Variants in ZSCAN25 observed in about 807,000 individuals in gnomAD.
The protein encoded by ZSCAN25 is zinc finger and SCAN domain-containing protein 25.
In ZSCAN25, 27 loss-of-function variants were observed where a neutral mutation model predicts 38.7. That is an observed-to-expected ratio of 0.70 (90% CI 0.51 to 0.96). The LOEUF (loss-of-function observed/expected upper bound fraction) is 0.96, where lower values mean the gene tolerates loss of function less well. ZSCAN25 is among the 40% of genes least tolerant of loss of function. The pLI, the probability that ZSCAN25 is intolerant of heterozygous loss-of-function variation, is 0.00. For missense variants in ZSCAN25, 637 were observed against 705.9 expected (o/e 0.90, Z 1.11); for synonymous variants, 273 against 277.7 (o/e 0.98, Z 0.17).
chr7:99,666,116 T>C, the ZSCAN25 span, among the ~76,000 whole-genome samples: 1,119 of 152,248 alleles, frequency 7.3e-3, 19 homozygotes, highest in African/African-American at 0.026. Flanking sequence ...TTTTTTGAGA[T>C]TGGAGGAAAA....
the ZSCAN25 span, among the ~76,000 whole-genome samples, chr7:99,657,395 G>T: frequency 5.9e-5 from 9 of 152,316 alleles, no homozygotes; most frequent in African/African-American, 1.9e-4. Flanking sequence ...GAGCGGTTTT[G>T]AGTGAGTTTC....
chr7:99,710,750 A>G, the ZSCAN25 span: 1 of 1,613,896 alleles, frequency 6.2e-7, no homozygotes, highest in Non-Finnish European at 8.5e-7. Flanking sequence ...GTAAAACTGT[A>G]TCAATTTCCT....
the ZSCAN25 span, among the ~76,000 whole-genome samples, chr7:99,662,055 A>T: frequency 6.6e-6 from 1 of 152,234 alleles, no homozygotes; most frequent in Non-Finnish European, 1.5e-5. The surrounding 1 kb of genome is among the most constrained non-coding windows in gnomAD (Gnocchi z 4.3). Context: ...TGATTAATTG[A>T]TAAATTATAG....
the ZSCAN25 span, among the ~76,000 whole-genome samples, chr7:99,729,622 G>A: frequency 6.6e-5 from 10 of 152,266 alleles, no homozygotes; most frequent in South Asian, 2.1e-4. Flanking sequence ...GCAATCTTAC[G>A]ACATTCCATT....
At chr7:99,666,050 A>G in the ZSCAN25 span, among the ~76,000 whole-genome samples, 1 of 152,144 alleles carries the variant, frequency 6.6e-6, no homozygotes, top group African/African-American at 2.4e-5. Context: ...AGCACATACC[A>G]TTGTAGACAG....
the ZSCAN25 span, among the ~76,000 whole-genome samples, chr7:99,707,261 A>T: frequency 1.3e-5 from 2 of 152,162 alleles, no homozygotes; most frequent in Admixed American, 1.3e-4. Context: ...AACTACCTTA[A>T]ATTAGTCATT....
chr7:99,676,130 A>C, the ZSCAN25 span: 1 of 1,613,588 alleles, frequency 6.2e-7, no homozygotes, highest in Non-Finnish European at 8.5e-7. Context: ...GATAGGACAA[A>C]ACATTTCCCA....
chr7:99,684,059 A>G, the ZSCAN25 span, among the ~76,000 whole-genome samples: 1 of 152,210 alleles, frequency 6.6e-6, no homozygotes, highest in Non-Finnish European at 1.5e-5. Context: ...CATGTTTCCC[A>G]TCTCCCAGAA....
At chr7:99,717,396 A>G in the ZSCAN25 span, 12 of 1,592,120 alleles carry the variant, frequency 7.5e-6, no homozygotes, top group South Asian at 1.1e-5. Context: ...TCTGTACATA[A>G]AAAGACTATT....
chr7:99,627,534 T>C (rs1038184677), intron 7 of ZSCAN25, among the ~76,000 whole-genome samples: 9 of 152,252 alleles, frequency 5.9e-5, no homozygotes, highest in African/African-American at 2.2e-4. Flanking sequence ...CACCATGATA[T>C]AGGTGAACGT....
the ZSCAN25 span, chr7:99,652,800 T>C: frequency 1.3e-6 from 2 of 1,590,840 alleles, no homozygotes; most frequent in Non-Finnish European, 1.7e-6. Flanking sequence ...AGAAACAGAA[T>C]TGGATAATCT....
chr7:99,708,888 C>A, the ZSCAN25 span: 1 of 953,338 alleles, frequency 1.0e-6, no homozygotes, highest in Non-Finnish European at 1.6e-6. Context: ...TAAAGTGTGA[C>A]AATGATCAAT....
the ZSCAN25 span, among the ~76,000 whole-genome samples, chr7:99,703,468 T>C: frequency 6.6e-6 from 1 of 151,898 alleles, no homozygotes; most frequent in African/African-American, 2.4e-5. Context: ...AAATATATGG[T>C]TTTTTTTGTA....
chr7:99,708,791 A>T, the ZSCAN25 span, among the ~76,000 whole-genome samples: 1 of 152,184 alleles, frequency 6.6e-6, no homozygotes, highest in Non-Finnish European at 1.5e-5. Flanking sequence ...GACACTTATG[A>T]CCCATAAGGA....
chr7:99,705,965 A>C, the ZSCAN25 span, among the ~76,000 whole-genome samples: 1 of 152,174 alleles, frequency 6.6e-6, no homozygotes, highest in Non-Finnish European at 1.5e-5. Flanking sequence ...CATCTTATGA[A>C]GTTAATTTTG....
At chr7:99,680,025 A>G in the ZSCAN25 span, 2 of 797,948 alleles carry the variant, frequency 2.5e-6, no homozygotes, top group Non-Finnish European at 2.2e-6. Flanking sequence ...TGAAAGATTT[A>G]TGTGCTGGAG....
chr7:99,698,700 G>T, the ZSCAN25 span, among the ~76,000 whole-genome samples: 1 of 152,026 alleles, frequency 6.6e-6, no homozygotes, highest in Non-Finnish European at 1.5e-5. Context: ...TTCTGGAGAG[G>T]TGATGTTATT....
the ZSCAN25 span, chr7:99,671,939 A>G: frequency 2.9e-6 from 2 of 685,208 alleles, no homozygotes; most frequent in East Asian, 5.4e-5. Context: ...AAACAAGGGC[A>G]TGTAAAACTG....
At chr7:99,714,474 AG>A in the ZSCAN25 span, 1 of 1,576,012 alleles carries the variant, frequency 6.3e-7, no homozygotes, top group African/African-American at 1.4e-5. Context: ...AAAAACATAC[AG>A]GGAAGTGCAC....
Sources: allele counts gnomAD v4.1 joint callset (sites outside exome capture counted in the v4.1 genomes callset), GRCh38; gene constraint gnomAD v4.1.1; non-coding constraint Gnocchi (gnomAD v3.1); transcripts MANE v1.5; gene names NCBI Gene and HGNC (gene_info 2026-07-23, HGNC 2026-07-21).